The following GHR variants were observed in gnomAD, a reference collection of about 807,000 sequenced individuals.
GHR encodes growth hormone receptor.
In GHR, 35 loss-of-function variants were observed where a neutral mutation model predicts 67.1. That is an observed-to-expected ratio of 0.52 (90% CI 0.40 to 0.69). GHR has a LOEUF of 0.69. GHR is among the 30% of genes least tolerant of loss of function. The probability of loss-of-function intolerance (pLI) is 0.00; values close to 1 mark genes in which losing one functional copy is unlikely to be tolerated. For synonymous variants in GHR, 272 were observed against 269.1 expected (o/e 1.01, Z -0.10); for missense variants, 792 against 764.6 (o/e 1.04, Z -0.42).
chr5:42,661,071 A>G (rs549325057), intron 3 of GHR, among the ~76,000 whole-genome samples: 1 of 152,314 alleles, frequency 6.6e-6, no homozygotes, highest in East Asian at 1.9e-4. Flanking sequence ...AAGAATAAAA[A>G]GAAACAAAGC....
rs368160517 is a variant in GHR at position 42,601,072 on chromosome 5, G to A, written c.71-27966G>A. On this transcript the variant is annotated intron_variant, in intron 2 of 9. Transcript: ENST00000230882. Reference sequence around the variant, plus strand: ...CTCCTGAGTAGCTGGGATTACAGGCGCATGCCACCATGCTCAGCTAATTTT... The same window carrying A: ...CTCCTGAGTAGCTGGGATTACAGGCACATGCCACCATGCTCAGCTAATTTT... 4.5e-4 allele frequency among the ~76,000 whole-genome samples: 69 copies of A among 151,698 alleles called. 1 individual carries two copies. The South Asian group carries it at 0.01, about 23-fold the overall frequency.
intron 2 of GHR, among the ~76,000 whole-genome samples, chr5:42,621,273 G>A (rs1441145864): frequency 1.3e-5 from 2 of 152,108 alleles, no homozygotes; most frequent in African/African-American, 2.4e-5. Context: ...CATATTGCCT[G>A]TTCCTTTCAG....
chr5:42,625,781 C>T (rs1214089728), intron 2 of GHR, among the ~76,000 whole-genome samples: 1 of 138,794 alleles, frequency 7.2e-6, no homozygotes, highest in South Asian at 2.1e-4. Context: ...TAAAACTGTG[C>T]CTGGCTCTTA....
intron 3 of GHR, among the ~76,000 whole-genome samples, chr5:42,672,253 C>T (rs904839803): frequency 6.6e-6 from 1 of 152,092 alleles, no homozygotes; most frequent in African/African-American, 2.4e-5. Context: ...CCTAAAGGCT[C>T]CACCAAAAAA....
chr5:42,547,449 T>C (rs1748787794), intron 1 of GHR, among the ~76,000 whole-genome samples: 1 of 152,030 alleles, frequency 6.6e-6, no homozygotes. Flanking sequence ...ACAAGAATTA[T>C]GGCAAAGCTC....
chr5:42,621,576 C>G (rs1753446794), intron 2 of GHR, among the ~76,000 whole-genome samples: 2 of 152,142 alleles, frequency 1.3e-5, no homozygotes, highest in South Asian at 4.1e-4. Flanking sequence ...AAAAGAAGGT[C>G]TTTATCATTG....
At chr5:42,669,294 T>C (rs1371210628) in intron 3 of GHR, among the ~76,000 whole-genome samples, 1 of 152,232 alleles carries the variant, frequency 6.6e-6, no homozygotes, top group African/African-American at 2.4e-5. Flanking sequence ...AAAGACCCTA[T>C]TTTGTTGCAT....
intron 1 of GHR, among the ~76,000 whole-genome samples, chr5:42,464,299 G>C (rs1335320087): frequency 6.6e-6 from 1 of 152,138 alleles, no homozygotes. Flanking sequence ...TCAAAAATTA[G>C]TTTTCTCTCT....
intron 1 of GHR, among the ~76,000 whole-genome samples, chr5:42,521,595 C>T (rs993571443): frequency 2.0e-5 from 3 of 152,190 alleles, no homozygotes; most frequent in African/African-American, 2.4e-5. Context: ...CATCTGCTAA[C>T]GATTTTCATC....
intron 1 of GHR, among the ~76,000 whole-genome samples, chr5:42,512,758 G>A (rs895753007): frequency 6.7e-6 from 1 of 150,370 alleles, no homozygotes; most frequent in African/African-American, 2.4e-5. Context: ...TTTACAGGTT[G>A]TTCATTGGTT....
At chr5:42,622,086 C>A (rs1753474063) in intron 2 of GHR, among the ~76,000 whole-genome samples, 1 of 152,118 alleles carries the variant, frequency 6.6e-6, no homozygotes, top group Non-Finnish European at 1.5e-5. Context: ...CAAGGGGTAG[C>A]CATGACCAAA....
chr5:42,520,675 T>A (rs1228272668), intron 1 of GHR, among the ~76,000 whole-genome samples: 1 of 152,110 alleles, frequency 6.6e-6, no homozygotes, highest in Non-Finnish European at 1.5e-5. Context: ...TTGCCCCAAG[T>A]TTCAAGAGCA....
intron 1 of GHR, among the ~76,000 whole-genome samples, chr5:42,474,285 A>AAGAGAG (rs1257674662): frequency 3.6e-5 from 1 of 28,102 alleles, no homozygotes; most frequent in Non-Finnish European, 7.6e-5. Context: ...GAAAGAAAGA[A>AAGAGAG]AAAGAGAAAG....
At chr5:42,559,992 AT>A (rs1281229763) in intron 1 of GHR, among the ~76,000 whole-genome samples, 2 of 152,144 alleles carry the variant, frequency 1.3e-5, no homozygotes, top group Admixed American at 1.3e-4. Context: ...ATTTCACAAT[AT>A]TTCTTAGTAA....
intron 1 of GHR, among the ~76,000 whole-genome samples, chr5:42,444,747 C>G (rs1018708667): frequency 1.3e-5 from 2 of 152,156 alleles, no homozygotes; most frequent in Non-Finnish European, 2.9e-5. Flanking sequence ...TGACTTTTCT[C>G]TAATTTTTTT....
At chr5:42,495,570 G>A (rs1038470786) in intron 1 of GHR, among the ~76,000 whole-genome samples, 2 of 151,926 alleles carry the variant, frequency 1.3e-5, no homozygotes, top group East Asian at 1.9e-4. Context: ...GGCCTTTCAT[G>A]GCTACCATAT....
At chr5:42,638,416 G>A (rs1027596666) in intron 3 of GHR, among the ~76,000 whole-genome samples, 11 of 152,162 alleles carry the variant, frequency 7.2e-5, no homozygotes, top group Non-Finnish European at 1.6e-4. Context: ...TCTAAGAAAT[G>A]CATAATTAGG....
At chr5:42,664,938 A>G in intron 3 of GHR, among the ~76,000 whole-genome samples, 1 of 152,254 alleles carries the variant, frequency 6.6e-6, no homozygotes, top group Admixed American at 6.5e-5. Context: ...GGCAAAGGAC[A>G]TGAACAGACA....
intron 2 of GHR, among the ~76,000 whole-genome samples, chr5:42,596,608 A>G (rs896731148): frequency 6.6e-6 from 1 of 152,206 alleles, no homozygotes; most frequent in Admixed American, 6.5e-5. Flanking sequence ...GATACAATAA[A>G]CATATGTTAT....
Sources: allele counts gnomAD v4.1 joint callset (sites outside exome capture counted in the v4.1 genomes callset), GRCh38; gene constraint gnomAD v4.1.1; transcripts MANE v1.5; gene names NCBI Gene and HGNC (gene_info 2026-07-23, HGNC 2026-07-21).